Variants in TRAK1 observed in about 807,000 individuals in gnomAD.
The protein encoded by TRAK1 is trafficking kinesin-binding protein 1.
A neutral mutation model predicts 92.1 loss-of-function variants in TRAK1; 33 were observed. The ratio of observed to expected loss-of-function variants is 0.36; its 90% CI spans 0.27 to 0.48. The LOEUF (loss-of-function observed/expected upper bound fraction) is 0.48. Among genes scored for constraint, TRAK1 ranks in the 20% least tolerant of loss-of-function variants. The probability of loss-of-function intolerance (pLI) is 0.99; values close to 1 mark genes in which losing one functional copy is unlikely to be tolerated. For missense variants in TRAK1, 1,123 were observed against 1,257.9 expected (o/e 0.89, Z 1.62); for synonymous variants, 521 against 517.3 (o/e 1.01, Z -0.10).
chr3:42,096,864 C>T (rs1187919660), intron 1 of TRAK1, among the ~76,000 whole-genome samples: 1 of 152,226 alleles, frequency 6.6e-6, no homozygotes, highest in Non-Finnish European at 1.5e-5. Context: ...TTCCTACTCA[C>T]TCTTAGAAGC....
intron 4 of TRAK1, among the ~76,000 whole-genome samples, chr3:42,187,189 G>A (rs1247606195): frequency 6.6e-6 from 1 of 152,120 alleles, no homozygotes; most frequent in Admixed American, 6.6e-5. Flanking sequence ...ACGGAACGAG[G>A]TCTGGCTGGG....
At position 42,212,656 on chromosome 3, in the gene TRAK1, T is replaced by C. The variant is rs1026430143; in HGVS notation, c.1963+2671T>C. ...ATAGTTTTACTTTATTTCAGTGATATGTTTTATGTTTTAATTTATATAGAA... is the reference window on the plus strand; with the variant it reads ...ATAGTTTTACTTTATTTCAGTGATACGTTTTATGTTTTAATTTATATAGAA... On this transcript the variant is annotated intron_variant, in intron 14 of 15. Coordinates refer to ENST00000327628, the MANE Select transcript of TRAK1 (RefSeq NM_001042646.3). The C allele has an allele frequency of 7.6e-6, 5 of 661,378 alleles. No individual in the cohort carries two copies. In the African/African-American group the frequency reaches 7.8e-5, roughly 10 times the overall value. The allele number at this position is 661,378 out of a possible 1,614,324, so 41.0% of individuals were successfully genotyped here.
At chr3:42,122,588 T>C (rs985410398) in intron 1 of TRAK1, among the ~76,000 whole-genome samples, 1 of 152,210 alleles carries the variant, frequency 6.6e-6, no homozygotes, top group Non-Finnish European at 1.5e-5. Context: ...TTCCCTCAGT[T>C]ACATGGTGGC....
chr3:42,223,747 G>A lies in TRAK1; in HGVS notation c.*10G>A. 2 of 1,593,098 alleles carry A rather than the reference G, an allele frequency of 1.3e-6. No homozygotes were observed. The highest frequency in any genetic ancestry group is 1.7e-5 in the Admixed American group (1 of 59,212). ...AACTAGCTTACGGTGAGGACTGGAGGGGGGCCGGTTGCCCTAGAGGAGACC... is the reference window on the plus strand; with the variant it reads ...AACTAGCTTACGGTGAGGACTGGAGAGGGGCCGGTTGCCCTAGAGGAGACC... On this transcript the variant is annotated 3_prime_UTR_variant, in exon 16 of 16. Coordinates refer to ENST00000327628, the MANE Select transcript of TRAK1 (RefSeq NM_001042646.3). The surrounding 1 kb of genome is among the most constrained non-coding windows in gnomAD (Gnocchi z 6.1).
At chr3:42,054,491 G>C (rs768823381) in intron 1 of TRAK1, among the ~76,000 whole-genome samples, 1 of 152,102 alleles carries the variant, frequency 6.6e-6, no homozygotes, top group East Asian at 1.9e-4. Flanking sequence ...ACTCACCCCA[G>C]GTCACCTCAC....
Position 42,224,142 on chromosome 3 carries a change from C to T in TRAK1, c.*405C>T, listed in dbSNP as rs1043610. On this transcript the variant is annotated 3_prime_UTR_variant, in exon 16 of 16. Transcript: ENST00000327628. Reference sequence around the variant, plus strand: ...GTGGCTGGCACACCACGAGCTGTCACGCGGCACGGGTCATAACACATCTGG... The same window carrying T: ...GTGGCTGGCACACCACGAGCTGTCATGCGGCACGGGTCATAACACATCTGG... 0.31 allele frequency: 141,111 copies of T among 458,166 alleles called. 23,188 individuals are homozygous for T. The highest frequency in any genetic ancestry group is 0.35 in the Non-Finnish European group (79,170 of 228,672). 28.4% of individuals were successfully genotyped at this position (458,166 alleles called of 1,614,324 possible).
chr3:42,072,421 G>A (rs574837212), intron 1 of TRAK1, among the ~76,000 whole-genome samples: 6 of 152,302 alleles, frequency 3.9e-5, no homozygotes, highest in African/African-American at 1.2e-4. Flanking sequence ...CCAGCTGTAC[G>A]CAGGCTCTGC....
At chr3:42,089,218 G>A (rs2148960901), upstream of TRAK1, among the ~76,000 whole-genome samples, 1 of 152,234 alleles carries the variant, frequency 6.6e-6, no homozygotes, top group South Asian at 2.1e-4. Context: ...TCATACCCCA[G>A]TTTGTCAAGA....
intron 1 of TRAK1, among the ~76,000 whole-genome samples, chr3:42,052,245 G>A (rs896761423): frequency 1.3e-5 from 2 of 152,186 alleles, no homozygotes; most frequent in African/African-American, 4.8e-5. Flanking sequence ...CCTCACTATA[G>A]TCCCCAACCA....
intron 2 of TRAK1, among the ~76,000 whole-genome samples, chr3:42,167,732 T>C (rs572483502): frequency 6.6e-6 from 1 of 152,106 alleles, no homozygotes; most frequent in Admixed American, 6.5e-5. Context: ...TACAAAAAAT[T>C]AGCTGGGCGT....
intron 3 of TRAK1, among the ~76,000 whole-genome samples, chr3:42,180,183 A>C (rs1335153195): frequency 6.6e-6 from 1 of 152,154 alleles, no homozygotes; most frequent in Non-Finnish European, 1.5e-5. Flanking sequence ...GAGACACTAC[A>C]ATAACGTTTC....
At chr3:42,162,047 T>G (rs1338200466) in intron 2 of TRAK1, among the ~76,000 whole-genome samples, 1 of 152,152 alleles carries the variant, frequency 6.6e-6, no homozygotes, top group Non-Finnish European at 1.5e-5. Flanking sequence ...ACCCACTGAG[T>G]CAGCATCTGC....
chr3:42,156,251 A>C (rs1559845679), intron 2 of TRAK1, among the ~76,000 whole-genome samples: 1 of 152,216 alleles, frequency 6.6e-6, no homozygotes, highest in East Asian at 1.9e-4. Flanking sequence ...CCTTTGGCCC[A>C]TCTCTGCCTT....
chr3:42,052,950 A>G (rs550412090), intron 1 of TRAK1, among the ~76,000 whole-genome samples: 5 of 152,238 alleles, frequency 3.3e-5, no homozygotes, highest in South Asian at 4.2e-4. Flanking sequence ...TGTTGGTGCT[A>G]CTGGCACATT....
At chr3:42,115,328 C>T (rs1278723490) in intron 1 of TRAK1, among the ~76,000 whole-genome samples, 1 of 152,094 alleles carries the variant, frequency 6.6e-6, no homozygotes, top group East Asian at 1.9e-4. Flanking sequence ...TTTCCTTTGC[C>T]CTGCCCTTCT....
At chr3:42,034,842 G>A (rs17067064) in intron 1 of TRAK1, among the ~76,000 whole-genome samples, 17,567 of 151,822 alleles carry the variant, frequency 0.12, 3,165 homozygotes, top group African/African-American at 0.38. Context: ...TTGTGCCACC[G>A]AGACAGATCC....
intron 15 of TRAK1, 81 bp from the exon 16 acceptor site, chr3:42,222,861 C>A (rs1710495551): frequency 1.3e-5 from 19 of 1,495,142 alleles, no homozygotes; most frequent in Non-Finnish European, 1.5e-5. Flanking sequence ...TCCCTACCCC[C>A]CCTGCAGGAA....
At chr3:42,198,112 T>A (rs1027997687) in intron 10 of TRAK1, among the ~76,000 whole-genome samples, 11 of 152,320 alleles carry the variant, frequency 7.2e-5, no homozygotes, top group East Asian at 1.9e-4. Context: ...CCTCCATGGA[T>A]ATCCTCCTCT....
At chr3:42,059,521 G>A (rs1703338234) in intron 1 of TRAK1, among the ~76,000 whole-genome samples, 1 of 152,092 alleles carries the variant, frequency 6.6e-6, no homozygotes, top group Non-Finnish European at 1.5e-5. Flanking sequence ...GTTTCTCCCT[G>A]TGCCTATCAG....
Sources: gnomAD v4.1 joint callset for allele counts (sites outside exome capture counted in the v4.1 genomes callset) on GRCh38, gnomAD v4.1.1 for gene constraint, Gnocchi (gnomAD v3.1) non-coding constraint, MANE v1.5 for transcripts, NCBI Gene and HGNC (gene_info 2026-07-23, HGNC 2026-07-21) for gene names.